Variants in PON3 observed in about 807,000 individuals in gnomAD.
The protein encoded by PON3 is serum paraoxonase/lactonase 3.
In PON3, 37 loss-of-function variants were observed where a neutral mutation model predicts 36.3. The ratio of observed to expected loss-of-function variants is 1.02; its 90% CI spans 0.78 to 1.34. PON3 has a LOEUF of 1.34. Ranked by LOEUF, PON3 falls within the 40% of genes most tolerant of loss-of-function variation. PON3 has a pLI of 0.00. For missense variants in PON3, 415 were observed against 426.5 expected, an observed-to-expected ratio of 0.97 and a Z score of 0.24; for synonymous variants, 155 against 154.8, an observed-to-expected ratio of 1.00 and a Z score of -0.01.
intron 2 of PON3, among the ~76,000 whole-genome samples, chr7:95,391,179 G>A (rs1463953437): frequency 6.6e-6 from 1 of 152,046 alleles, no homozygotes; most frequent in African/African-American, 2.4e-5. Context: ...TTTTATTATC[G>A]TCACTTCACA....
At chr7:95,388,189 C>T (rs1299638067) in intron 3 of PON3, among the ~76,000 whole-genome samples, 1 of 152,026 alleles carries the variant, frequency 6.6e-6, no homozygotes, top group Non-Finnish European at 1.5e-5. Flanking sequence ...GCAATCTACC[C>T]ATCTGACAAA....
chr7:95,368,851 C>T (rs1260655574), intron 4 of PON3, among the ~76,000 whole-genome samples: 2 of 151,460 alleles, frequency 1.3e-5, no homozygotes, highest in African/African-American at 2.4e-5. Flanking sequence ...GCCCCAAACC[C>T]ACCTCCACCT....
intron 3 of PON3, among the ~76,000 whole-genome samples, chr7:95,381,426 A>T (rs968226516): frequency 6.6e-6 from 1 of 152,218 alleles, no homozygotes; most frequent in African/African-American, 2.4e-5. Context: ...TAAAGAGTCA[A>T]GACCCATCAG....
At chr7:95,391,473 A>C (rs1450085315) in intron 2 of PON3, among the ~76,000 whole-genome samples, 1 of 152,226 alleles carries the variant, frequency 6.6e-6, no homozygotes, top group Non-Finnish European at 1.5e-5. Flanking sequence ...AAAAAGATGA[A>C]CGTAATACAA....
In PON3 at chr7:95,362,566, C is replaced by T. The variant is rs962897140; in HGVS notation, c.778-76G>A. The T allele has an allele frequency of 3.1e-6, 5 of 1,600,088 alleles. No homozygotes were observed. The African/African-American group carries it at 5.4e-5, about 17-fold the overall frequency. ...TTCTTCCCTATTCATCCCCACAACC[C>T]CTACAGCTTCTTCTGGCACCTAAAG... is the stretch of plus-strand genomic sequence containing the variant. On this transcript the variant is annotated intron_variant, in intron 7 of 8. Transcript: ENST00000265627.
intron 3 of PON3, among the ~76,000 whole-genome samples, chr7:95,382,155 G>A (rs1303319529): frequency 2.6e-5 from 4 of 152,164 alleles, no homozygotes; most frequent in Admixed American, 6.5e-5. Context: ...TGAAACCGAC[G>A]AGAACAAAGA....
Position 95,364,082 on chromosome 7 carries a change from G to A in PON3, c.495-19C>T, listed in dbSNP as rs974558358. 1 of 1,593,512 alleles carries A rather than the reference G, an allele frequency of 6.3e-7. No homozygotes were observed. The highest frequency in any genetic ancestry group is 1.1e-5 in the South Asian group (1 of 90,702). On this transcript the variant is annotated intron_variant, in intron 5 of 8. Transcript: ENST00000265627. ...ATTCACACTAAAGTGAAAGGGAGGTGGAAAAAGAGACCCATGAGGTATTTA... is the reference window on the plus strand; with the variant it reads ...ATTCACACTAAAGTGAAAGGGAGGTAGAAAAAGAGACCCATGAGGTATTTA...
chr7:95,396,001 A>G, intron 1 of PON3: 1 of 478,690 alleles, frequency 2.1e-6, no homozygotes. Flanking sequence ...ACGTTCAGAA[A>G]GTAAAAGGGG....
At chr7:95,393,380 T>C (rs1585736261) in intron 2 of PON3, among the ~76,000 whole-genome samples, 1 of 152,328 alleles carries the variant, frequency 6.6e-6, no homozygotes, top group East Asian at 1.9e-4. Context: ...AGATGAATTT[T>C]GCAGCTGATT....
At chr7:95,384,449 T>C (rs1314422600) in intron 3 of PON3, among the ~76,000 whole-genome samples, 2 of 152,170 alleles carry the variant, frequency 1.3e-5, no homozygotes. Flanking sequence ...TTTTTCAGTC[T>C]ACTCATCTGA....
intron 6 of PON3, chr7:95,363,592 G>T: frequency 2.1e-6 from 1 of 482,548 alleles, no homozygotes; most frequent in Non-Finnish European, 3.8e-6. Context: ...AGTGTGTTAG[G>T]AAAGTGTGTT....
chr7:95,377,127 A>G (rs1173117577), intron 3 of PON3, among the ~76,000 whole-genome samples: 1 of 152,226 alleles, frequency 6.6e-6, no homozygotes, highest in African/African-American at 2.4e-5. Flanking sequence ...TTCTACGCCC[A>G]CAGAGCCTTG....
intron 5 of PON3, chr7:95,365,923 T>G (rs1162476171): frequency 1.3e-5 from 2 of 152,170 alleles, no homozygotes; most frequent in African/African-American, 4.8e-5. Context: ...GGGTACTCTA[T>G]TTCAGCATGA....
chr7:95,385,775 C>T (rs1310365783), intron 3 of PON3, among the ~76,000 whole-genome samples: 1 of 152,138 alleles, frequency 6.6e-6, no homozygotes. Flanking sequence ...CTCAAAACTA[C>T]ACAACTACAT....
chr7:95,386,834 C>T (rs1404466720), intron 3 of PON3, among the ~76,000 whole-genome samples: 6 of 152,124 alleles, frequency 3.9e-5, no homozygotes, highest in African/African-American at 1.4e-4. Flanking sequence ...GTTCAACATA[C>T]ACAAATCAAT....
At chr7:95,372,802 C>T (rs11980413) in intron 3 of PON3, among the ~76,000 whole-genome samples, 8,685 of 152,144 alleles carry the variant, frequency 0.057, 825 homozygotes, top group African/African-American at 0.2. Flanking sequence ...ATTCCTACAT[C>T]GATTATATCA....
intron 3 of PON3, among the ~76,000 whole-genome samples, chr7:95,386,151 T>A (rs1249408451): frequency 3.3e-5 from 5 of 151,950 alleles, no homozygotes; most frequent in African/African-American, 1.2e-4. Flanking sequence ...CTGAAGGAGA[T>A]AGATACATGA....
At chr7:95,361,443 G>T (rs1353151169) in intron 8 of PON3, among the ~76,000 whole-genome samples, 1 of 151,966 alleles carries the variant, frequency 6.6e-6, no homozygotes, top group African/African-American at 2.4e-5. Context: ...TCTCAATGAG[G>T]CCTACTCTGA....
At chr7:95,376,196 G>A (rs760119308) in intron 3 of PON3, among the ~76,000 whole-genome samples, 34 of 152,202 alleles carry the variant, frequency 2.2e-4, no homozygotes, top group Non-Finnish European at 3.7e-4. Flanking sequence ...ACTCTCCTGA[G>A]GAAGTAAAGT....
Sources: gnomAD v4.1 joint callset for allele counts (sites outside exome capture counted in the v4.1 genomes callset) on GRCh38, gnomAD v4.1.1 for gene constraint, MANE v1.5 for transcripts, NCBI Gene and HGNC (gene_info 2026-07-23, HGNC 2026-07-21) for gene names.